NRXN3: variants seen among roughly 807,000 people sequenced by gnomAD.
The protein encoded by NRXN3 is neurexin 3, also known as neurexin III.
NRXN3 carries 32 observed loss-of-function variants against 137.6 expected under a neutral mutation model. That is an observed-to-expected ratio of 0.23 (90% confidence interval 0.18 to 0.31). The LOEUF (loss-of-function observed/expected upper bound fraction) is 0.31, where lower values mean the gene tolerates loss of function less well. Among genes scored for constraint, NRXN3 ranks in the 10% least tolerant of loss-of-function variants. NRXN3 has a pLI of 1.00. For synonymous variants in NRXN3, 798 were observed against 784.5 expected, an observed-to-expected ratio of 1.02 and a Z score of -0.29; for missense variants, 1,574 against 2,062.5, an observed-to-expected ratio of 0.76 and a Z score of 4.59.
chr14:79,157,964 A>G (rs111795119), intron 15 of NRXN3, among the ~76,000 whole-genome samples: 1 of 151,784 alleles, frequency 6.6e-6, no homozygotes, highest in Non-Finnish European at 1.5e-5. Flanking sequence ...AAATGCCGCT[A>G]TGCAGTCAGG....
At chr14:79,802,983 G>A (rs555437733) in intron 19 of NRXN3, among the ~76,000 whole-genome samples, 3 of 152,110 alleles carry the variant, frequency 2.0e-5, no homozygotes, top group Admixed American at 6.5e-5. Flanking sequence ...AACCACCATC[G>A]CACCCATTTA....
At chr14:79,218,897 A>C (rs542714879) in intron 15 of NRXN3, among the ~76,000 whole-genome samples, 29 of 152,186 alleles carry the variant, frequency 1.9e-4, no homozygotes, top group Admixed American at 1.3e-4. Context: ...AAGGTGCTAA[A>C]TTATCTAATT....
At chr14:79,665,607 T>A (rs1436622126) in intron 17 of NRXN3, among the ~76,000 whole-genome samples, 4 of 152,104 alleles carry the variant, frequency 2.6e-5, no homozygotes, top group East Asian at 1.9e-4. Context: ...GCCTTGCTAG[T>A]GTTGCTGAAG....
Position 79,755,327 on chromosome 14 carries a change from C to T in NRXN3, c.4015-49785C>T, listed in dbSNP as rs116777160. On this transcript the variant is annotated intron_variant, in intron 19 of 20. Transcript: ENST00000335750. Reference sequence around the variant, plus strand: ...TTTATATTTTTGTTTTTTGAATCTACGGTTTATATGAATATCATTCTCTCT... The same window carrying T: ...TTTATATTTTTGTTTTTTGAATCTATGGTTTATATGAATATCATTCTCTCT... Among the ~76,000 whole-genome samples, 724 of 151,924 alleles carry T rather than the reference C, an allele frequency of 4.8e-3. 4 individuals carry two copies. The highest frequency in any genetic ancestry group is 0.016 in the African/African-American group (678 of 41,468).
At chr14:79,551,453 G>A (rs2097371876) in intron 16 of NRXN3, among the ~76,000 whole-genome samples, 2 of 152,138 alleles carry the variant, frequency 1.3e-5, no homozygotes, top group African/African-American at 2.4e-5. Flanking sequence ...TGGAAAATAC[G>A]GCTTTAATGA....
At chr14:78,937,420 G>A (rs1258067020) in intron 10 of NRXN3, among the ~76,000 whole-genome samples, 1 of 152,018 alleles carries the variant, frequency 6.6e-6, no homozygotes, top group Non-Finnish European at 1.5e-5. Context: ...AAACAGCAGG[G>A]GCTCACCTGG....
At chr14:78,590,028 A>G (rs1343064181) in intron 4 of NRXN3, among the ~76,000 whole-genome samples, 1 of 152,222 alleles carries the variant, frequency 6.6e-6, no homozygotes, top group Non-Finnish European at 1.5e-5. Context: ...CAAGTGTCTC[A>G]TCCAAAGAAG....
chr14:78,599,693 C>T (rs1354202321), intron 4 of NRXN3, among the ~76,000 whole-genome samples: 1 of 152,194 alleles, frequency 6.6e-6, no homozygotes, highest in African/African-American at 2.4e-5. Flanking sequence ...AGTTTTCAAC[C>T]AGATCACTCT....
At chr14:78,614,581 T>G (rs888897399) in intron 4 of NRXN3, among the ~76,000 whole-genome samples, 4 of 151,178 alleles carry the variant, frequency 2.6e-5, no homozygotes, top group Admixed American at 2.6e-4. Context: ...ATTTGAGACC[T>G]GTGGGCTCTT....
intron 8 of NRXN3, among the ~76,000 whole-genome samples, chr14:78,718,837 CA>C (rs1346335021): frequency 6.6e-6 from 1 of 152,198 alleles, no homozygotes; most frequent in African/African-American, 2.4e-5. Context: ...ACCTAAACAG[CA>C]AAGGCCTGTT....
At chr14:78,538,703 G>A (rs1210750986) in intron 4 of NRXN3, among the ~76,000 whole-genome samples, 1 of 152,134 alleles carries the variant, frequency 6.6e-6, no homozygotes, top group Admixed American at 6.6e-5. Flanking sequence ...GTTTTCAAAG[G>A]GAATGCTTCC....
chr14:78,998,085 TCA>T (rs1015972344), intron 15 of NRXN3, among the ~76,000 whole-genome samples: 1 of 152,206 alleles, frequency 6.6e-6, no homozygotes, highest in African/African-American at 2.4e-5. Context: ...GTCTTAAATC[TCA>T]CAGTTTATCT....
intron 4 of NRXN3, among the ~76,000 whole-genome samples, chr14:78,318,054 C>G (rs911372186): frequency 6.6e-6 from 1 of 152,142 alleles, no homozygotes; most frequent in East Asian, 1.9e-4. Flanking sequence ...CCAAACCCAA[C>G]TAGGTTCTTA....
intron 15 of NRXN3, among the ~76,000 whole-genome samples, chr14:79,254,237 G>C (rs1568801324): frequency 6.6e-6 from 1 of 152,124 alleles, no homozygotes. Context: ...GTAACACACA[G>C]TCCACAAGAA....
chr14:78,343,799 A>C (rs2082398398), intron 4 of NRXN3, among the ~76,000 whole-genome samples: 1 of 152,140 alleles, frequency 6.6e-6, no homozygotes, highest in African/African-American at 2.4e-5. Flanking sequence ...GAGACTTTAA[A>C]AGTCTCCCAA....
intron 15 of NRXN3, among the ~76,000 whole-genome samples, chr14:79,058,485 G>GAT (rs370592948): frequency 1.2e-3 from 186 of 151,410 alleles, no homozygotes; most frequent in Middle Eastern, 3.4e-3. Context: ...GAATCCCTGA[G>GAT]ATATATATAT....
intron 15 of NRXN3, among the ~76,000 whole-genome samples, chr14:79,386,442 A>G (rs1211788936): frequency 6.6e-6 from 1 of 152,116 alleles, no homozygotes; most frequent in African/African-American, 2.4e-5. Flanking sequence ...CTGCTCAATG[A>G]AATAAAAGAG....
At chr14:79,688,230 T>C (rs2098703060) in intron 17 of NRXN3, among the ~76,000 whole-genome samples, 1 of 152,156 alleles carries the variant, frequency 6.6e-6, no homozygotes, top group Non-Finnish European at 1.5e-5. Flanking sequence ...TATTATTCTA[T>C]ACTAAGTCCT....
At chr14:79,765,685 G>A (rs2099053478) in intron 19 of NRXN3, among the ~76,000 whole-genome samples, 1 of 152,066 alleles carries the variant, frequency 6.6e-6, no homozygotes, top group Non-Finnish European at 1.5e-5. Context: ...GTAAATAAAT[G>A]GTACTCATTC....
Sources: allele counts gnomAD v4.1 joint callset (sites outside exome capture counted in the v4.1 genomes callset), GRCh38; gene constraint gnomAD v4.1.1; transcripts MANE v1.5; gene names NCBI Gene and HGNC (gene_info 2026-07-23, HGNC 2026-07-21).